PRKAR1B: variants seen among roughly 807,000 people sequenced by gnomAD.
PRKAR1B encodes the protein protein kinase cAMP-dependent type I regulatory subunit beta.
In PRKAR1B, 22 loss-of-function variants were observed where a neutral mutation model predicts 46.5. The observed-to-expected ratio is 0.47, with a 90% CI of 0.34 to 0.68. The LOEUF (loss-of-function observed/expected upper bound fraction) is 0.68, where lower values mean the gene tolerates loss of function less well. Among genes scored for constraint, PRKAR1B ranks in the 30% least tolerant of loss-of-function variants. The probability of loss-of-function intolerance (pLI) is 0.01; values close to 1 mark genes in which losing one functional copy is unlikely to be tolerated. For synonymous variants in PRKAR1B, 259 were observed against 217.7 expected (o/e 1.19, Z -1.67); for missense variants, 445 against 535.6 (o/e 0.83, Z 1.67).
At position 550,440 on chromosome 7, in the gene PRKAR1B, A is replaced by G; in HGVS notation, c.1136T>C (p.Leu379Pro). ...GGGCGGGAGCTGTGCTCAGACGGTGAGGGAGATGAAGCTGTTGTAACGCTG... is the reference window on the plus strand; with the variant it reads ...GGGCGGGAGCTGTGCTCAGACGGTGGGGGAGATGAAGCTGTTGTAACGCTG... ...NIQRYNSFIS[L>P]TV The change falls in exon 11 of 11, where the codon CTC becomes CCC. Residue 379 changes from leucine to proline, a missense_variant. Leu to Pro is a moderately conservative substitution (Grantham distance 98). Around this residue, in one of 5 missense-constraint regions of PRKAR1B, gnomAD observed 127 missense variants for 138.0 expected, o/e 0.92. Transcript: ENST00000537384. 6.3e-7 allele frequency: 1 copy of G among 1,590,838 alleles called. No homozygotes were observed. Among genetic ancestry groups the G allele is most frequent in the South Asian group, 1.1e-5 (1 of 87,414 alleles).
intron 9 of PRKAR1B, among the ~76,000 whole-genome samples, chr7:576,976 G>A (rs372029797): frequency 8.0e-5 from 12 of 150,210 alleles, no homozygotes; most frequent in South Asian, 4.2e-4. Flanking sequence ...CAGCGGCCTC[G>A]TCCAACGCCA....
chr7:589,065 T>C (rs994366398), intron 7 of PRKAR1B, among the ~76,000 whole-genome samples: 30 of 151,252 alleles, frequency 2.0e-4, no homozygotes, highest in Non-Finnish European at 3.4e-4. Flanking sequence ...ATGATGATGG[T>C]GGTAGTGGTT....
intron 4 of PRKAR1B, among the ~76,000 whole-genome samples, chr7:665,286 G>A (rs1319100253): frequency 6.6e-6 from 1 of 152,154 alleles, no homozygotes; most frequent in African/African-American, 2.4e-5. Context: ...GCCCCAAGCA[G>A]CCACATCCCA....
chr7:602,177 G>C lies in PRKAR1B; in HGVS notation c.549+4016C>G, dbSNP rs1052581439. 6.6e-5 allele frequency among the ~76,000 whole-genome samples: 10 copies of C among 152,164 alleles called. No homozygotes were observed. The highest frequency in any genetic ancestry group is 2.4e-4 in the African/African-American group (10 of 41,448). On this transcript the variant is annotated intron_variant, in intron 6 of 10. Transcript: ENST00000537384. This position sits in a 1 kb window ranked among gnomAD's most constrained non-coding sequence, Gnocchi z 6.4. ...CCAGGGCAGGGGCTGGGCTGGGAGG[G>C]GACCCAGTGAGCTCAGGGCTGGAGG... is the stretch of plus-strand genomic sequence containing the variant.
At chr7:694,246 C>A (rs1017826462) in intron 2 of PRKAR1B, among the ~76,000 whole-genome samples, 3 of 152,182 alleles carry the variant, frequency 2.0e-5, no homozygotes, top group Non-Finnish European at 4.4e-5. Context: ...AATCGCACCA[C>A]TGCACTCCAG....
At chr7:684,330 CT>C (rs1229713293) in intron 2 of PRKAR1B, among the ~76,000 whole-genome samples, 2 of 152,236 alleles carry the variant, frequency 1.3e-5, no homozygotes, top group Non-Finnish European at 2.9e-5. Context: ...TTAAATATAT[CT>C]TGACGGAGCT....
At chr7:712,430 C>A (rs1009558748) in intron 1 of PRKAR1B, 5 of 149,294 alleles carry the variant, frequency 3.3e-5, no homozygotes, top group African/African-American at 1.2e-4. Context: ...GCGCGGCGCC[C>A]GAGGCCAGGA....
intron 6 of PRKAR1B, among the ~76,000 whole-genome samples, chr7:603,469 C>A (rs1015163857): frequency 6.6e-6 from 1 of 152,160 alleles, no homozygotes; most frequent in African/African-American, 2.4e-5. Context: ...TCCCTCTCCC[C>A]CATTAAGCCA....
rs565126690 is a variant in PRKAR1B at position 667,806 on chromosome 7, AC to A, written c.440+9422del. Among the ~76,000 whole-genome samples, 83 of 152,294 alleles carry A rather than the reference AC, an allele frequency of 5.4e-4. No homozygotes were observed. The highest frequency in any genetic ancestry group is 2.0e-3 in the African/African-American group (82 of 41,556). On this transcript the variant is annotated intron_variant, in intron 4 of 10. Coordinates refer to ENST00000537384, the MANE Select transcript of PRKAR1B (RefSeq NM_001164760.2). The surrounding 1 kb of genome is among the most constrained non-coding windows in gnomAD (Gnocchi z 4.3). Reference sequence around the variant, plus strand: ...CTGTGAGGTTGACACTATGCCTCTCACAGATCCTGTGCAAAGGCCCAGGGAA... The same window carrying A: ...CTGTGAGGTTGACACTATGCCTCTCAAGATCCTGTGCAAAGGCCCAGGGAA...
intron 7 of PRKAR1B, 148 bp from the exon 8 acceptor site, chr7:584,716 G>T: frequency 1.5e-6 from 1 of 687,292 alleles, no homozygotes; most frequent in Non-Finnish European, 2.5e-6. Context: ...ACGACTCGGA[G>T]TCTGCGTGAG....
At chr7:678,100 A>G (rs7790573) in intron 3 of PRKAR1B, among the ~76,000 whole-genome samples, 45,333 of 151,964 alleles carry the variant, frequency 0.3, 8,014 homozygotes, top group African/African-American at 0.48. Flanking sequence ...GTGAAACCCC[A>G]TCTCTACTAA....
At chr7:701,953 T>TA (rs1478819381) in intron 2 of PRKAR1B, among the ~76,000 whole-genome samples, 1 of 152,180 alleles carries the variant, frequency 6.6e-6, no homozygotes, top group Non-Finnish European at 1.5e-5. Context: ...AAATGGGAAA[T>TA]ACCCAGGTAC....
At chr7:627,522 C>A (rs1295070444) in intron 4 of PRKAR1B, among the ~76,000 whole-genome samples, 1 of 152,124 alleles carries the variant, frequency 6.6e-6, no homozygotes. Flanking sequence ...CGGACAGCCA[C>A]GGCCAACGCC....
At position 588,525 on chromosome 7, in the gene PRKAR1B, G is replaced by A. The variant is rs796437067; in HGVS notation, c.709-3957C>T. Among the ~76,000 whole-genome samples, 272 of 66,518 alleles carry A rather than the reference G, an allele frequency of 4.1e-3. 12 individuals are homozygous for A. The highest frequency in any genetic ancestry group is 0.014 in the African/African-American group (224 of 16,462). 43.6% of individuals were successfully genotyped at this position (66,518 alleles called of 152,430 possible). On this transcript the variant is annotated intron_variant, in intron 7 of 10. Transcript: ENST00000537384. ...GACAGTGGTGATCACGATGATGGTGGTGACGGTGGTGATGGTGGTGACGGT... is the reference window on the plus strand; with the variant it reads ...GACAGTGGTGATCACGATGATGGTGATGACGGTGGTGATGGTGGTGACGGT...
At chr7:659,094 C>T (rs28710897) in intron 4 of PRKAR1B, among the ~76,000 whole-genome samples, 2,048 of 152,270 alleles carry the variant, frequency 0.013, 56 homozygotes, top group African/African-American at 0.047. Context: ...GGCTCACAAA[C>T]CATGAGGATG....
At chr7:594,802 C>A (rs1583268173) in intron 7 of PRKAR1B, among the ~76,000 whole-genome samples, 1 of 152,062 alleles carries the variant, frequency 6.6e-6, no homozygotes, top group South Asian at 2.1e-4. Flanking sequence ...TATGAGGGGA[C>A]CCCAAGACCA....
intron 4 of PRKAR1B, among the ~76,000 whole-genome samples, chr7:659,151 C>G (rs1406294802): frequency 6.6e-6 from 1 of 152,184 alleles, no homozygotes; most frequent in South Asian, 2.1e-4. Context: ...ATCCCCACCC[C>G]CTGCACCACC....
At chr7:609,046 G>A (rs1233133608) in intron 4 of PRKAR1B, among the ~76,000 whole-genome samples, 1 of 144,970 alleles carries the variant, frequency 6.9e-6, no homozygotes, top group Admixed American at 6.8e-5. Flanking sequence ...CTCCCACCTG[G>A]GGAGGGGTCA....
At chr7:720,333 C>T (rs1781030690) in intron 1 of PRKAR1B, among the ~76,000 whole-genome samples, 1 of 152,190 alleles carries the variant, frequency 6.6e-6, no homozygotes, top group South Asian at 2.1e-4. Context: ...GCTGGGATAA[C>T]AGGTGTGAGC....
Sources: gnomAD v4.1 joint callset for allele counts (sites outside exome capture counted in the v4.1 genomes callset) on GRCh38, gnomAD v4.1.1 for gene constraint, gnomAD v4.1.1 regional missense constraint, Gnocchi (gnomAD v3.1) non-coding constraint, MANE v1.5 for transcripts, NCBI Gene and HGNC (gene_info 2026-07-23, HGNC 2026-07-21) for gene names.